Variants in VAV2 observed in about 807,000 individuals in gnomAD.
The protein encoded by VAV2 is vav guanine nucleotide exchange factor 2.
Under a neutral mutation model 132.5 loss-of-function variants are expected in VAV2, and 67 were observed. That is an observed-to-expected ratio of 0.51 (90% CI 0.42 to 0.62). The LOEUF is 0.62. VAV2 is among the 20% of genes least tolerant of loss of function. The pLI is 0.00. For synonymous variants in VAV2, 492 were observed against 443.5 expected, an observed-to-expected ratio of 1.11 and a Z score of -1.37; for missense variants, 938 against 1,153.6, an observed-to-expected ratio of 0.81 and a Z score of 2.71.
rs1834228873 is a variant in VAV2 at position 133,786,445 on chromosome 9, T to C, written c.1423-560A>G. Among the ~76,000 whole-genome samples, 3 of 152,194 alleles carry C rather than the reference T, an allele frequency of 2.0e-5. No individual in the cohort carries two copies. In the South Asian group the frequency reaches 6.2e-4, roughly 31 times the overall value. ...AGGTCTGCACTCCTGCCTGCGCCCA[T>C]GTGCGAGGATGCTCCACCGAGTGCA... is the stretch of plus-strand genomic sequence containing the variant. On this transcript the variant is annotated intron_variant, in intron 16 of 29. Transcript: ENST00000371850.
intron 7 of VAV2, among the ~76,000 whole-genome samples, chr9:133,808,210 G>A (rs1315682094): frequency 6.6e-6 from 1 of 152,256 alleles, no homozygotes; most frequent in African/African-American, 2.4e-5. Flanking sequence ...CGAGGGAACT[G>A]GAAGGACCTG....
At chr9:133,985,267 TGTGTGTG>T (rs758151863) in intron 1 of VAV2, among the ~76,000 whole-genome samples, 1 of 148,258 alleles carries the variant, frequency 6.7e-6, no homozygotes, top group African/African-American at 2.6e-5. Context: ...TGTGTGTGTG[TGTGTGTG>T]TTTTGTTTTT....
intron 2 of VAV2, among the ~76,000 whole-genome samples, chr9:133,910,382 C>T (rs916872070): frequency 3.3e-5 from 5 of 152,138 alleles, no homozygotes; most frequent in Admixed American, 3.3e-4. Flanking sequence ...CGAGTTCAGA[C>T]CTTCCAGATG....
At chr9:133,825,800 C>T (rs55776501) in intron 4 of VAV2, among the ~76,000 whole-genome samples, 14,856 of 152,192 alleles carry the variant, frequency 0.098, 929 homozygotes, top group South Asian at 0.15. Context: ...GGGAGAAGCA[C>T]GGCCTCTCCC....
In VAV2 at chr9:133,928,104, A is replaced by G. The variant is rs1840541829; in HGVS notation, c.321+10999T>C. ...ATGGCTCCCGCCTGGAAAGGAAAGC[A>G]GAGAAAAACCTCTCCCATCCCCAGT... On this transcript the variant is annotated intron_variant, in intron 2 of 29. Transcript: ENST00000371850. This position sits in a 1 kb window ranked among gnomAD's most constrained non-coding sequence, Gnocchi z 5.4. Among the ~76,000 whole-genome samples the G allele has an allele frequency of 6.6e-6, 1 of 152,190 alleles. No individual in the cohort carries two copies. Among genetic ancestry groups the G allele is most frequent in the African/African-American group, 2.4e-5 (1 of 41,444 alleles).
At chr9:133,897,698 G>C (rs532952880) in intron 2 of VAV2, among the ~76,000 whole-genome samples, 3 of 152,168 alleles carry the variant, frequency 2.0e-5, no homozygotes, top group South Asian at 2.1e-4. Flanking sequence ...TCTATGCCTC[G>C]TTTAGTGAAG....
At chr9:133,856,157 T>C (rs762013406) in intron 3 of VAV2, among the ~76,000 whole-genome samples, 2 of 152,186 alleles carry the variant, frequency 1.3e-5, no homozygotes, top group Non-Finnish European at 1.5e-5. Context: ...TGACTGCTCA[T>C]GGCGACCGGT....
chr9:133,913,028 G>A (rs1839937239), intron 2 of VAV2, among the ~76,000 whole-genome samples: 1 of 152,212 alleles, frequency 6.6e-6, no homozygotes. Flanking sequence ...TGCACACCCA[G>A]GGCTGTTCGC....
intron 3 of VAV2, among the ~76,000 whole-genome samples, chr9:133,845,428 G>A (rs2510258): frequency 0.14 from 21,799 of 152,258 alleles, 1,633 homozygotes; most frequent in South Asian, 0.17. Flanking sequence ...ATGGGGGGCC[G>A]CACTGGGGGT....
intron 4 of VAV2, among the ~76,000 whole-genome samples, chr9:133,825,265 C>T (rs1047746177): frequency 1.3e-5 from 2 of 152,136 alleles, no homozygotes; most frequent in African/African-American, 2.4e-5. Context: ...CCCCGTCTTC[C>T]GTCTCTCCAG....
intron 3 of VAV2, 155 bp downstream of exon 3, chr9:133,861,219 A>C: frequency 2.7e-6 from 2 of 730,732 alleles, no homozygotes; most frequent in Non-Finnish European, 2.0e-6. Context: ...CCCTTCCTGC[A>C]GCCGCCAACG....
At position 133,797,778 on chromosome 9, in the gene VAV2, T is replaced by G; in HGVS notation, c.868A>C (p.Met290Leu). 2 of 1,614,038 alleles carry G rather than the reference T, an allele frequency of 1.2e-6. No homozygotes were observed. Among genetic ancestry groups the G allele is most frequent in the Non-Finnish European group, 8.5e-7 (1 of 1,179,954 alleles). The change falls in exon 10 of 30, where the codon ATG becomes CTG. Residue 290 changes from methionine to leucine, a missense_variant. Physicochemically the swap from Met to Leu is conservative, Grantham distance 15. Coordinates refer to ENST00000371850, the MANE Select transcript of VAV2 (RefSeq NM_001134398.2). ...TTCAGTGTGTTCTGGGCGTGCTCCA[T>G]GTGGCTGCAGTACTCCCCGTAGATC... ...LLIYGEYCSH[M>L]EHAQNTLNQL...
rs1425150564 is a variant in VAV2, at chr9:133,794,142, G to A, written c.1101+1526C>T. 6.6e-6 allele frequency among the ~76,000 whole-genome samples: 1 copy of A among 152,016 alleles called. No individual in the cohort carries two copies. Among genetic ancestry groups the A allele is most frequent in the Non-Finnish European group, 1.5e-5 (1 of 68,004 alleles). On this transcript the variant is annotated intron_variant, in intron 12 of 29. Coordinates refer to ENST00000371850, the MANE Select transcript of VAV2 (RefSeq NM_001134398.2). This position sits in a 1 kb window ranked among gnomAD's most constrained non-coding sequence, Gnocchi z 4.6. ...ACCACACTCAGGGCCCGGGTGCACG[G>A]CCCACTGCACCTGCTGTCACTGTCT...
chr9:133,788,023 A>G lies in VAV2; in HGVS notation c.1407+331T>C, dbSNP rs1834299527. Among the ~76,000 whole-genome samples, 1 of 152,264 alleles carries G rather than the reference A, an allele frequency of 6.6e-6. No individual in the cohort carries two copies. Among genetic ancestry groups the G allele is most frequent in the Non-Finnish European group, 1.5e-5 (1 of 68,040 alleles). ...GTCAGGCTGGCCAGATGGAAAGCCAAGGTTGAAAGTCCCACCCTCACTAGA... is the reference window on the plus strand; with the variant it reads ...GTCAGGCTGGCCAGATGGAAAGCCAGGGTTGAAAGTCCCACCCTCACTAGA... On this transcript the variant is annotated intron_variant, in intron 15 of 29. Coordinates refer to ENST00000371850, the MANE Select transcript of VAV2 (RefSeq NM_001134398.2). The surrounding 1 kb of genome is among the most constrained non-coding windows in gnomAD (Gnocchi z 5.3).
intron 2 of VAV2, among the ~76,000 whole-genome samples, chr9:133,937,153 T>C (rs1371574057): frequency 3.9e-5 from 6 of 152,342 alleles, no homozygotes; most frequent in African/African-American, 1.4e-4. Context: ...TTTACAGTTA[T>C]CATAAATACC....
chr9:133,763,166 G>A lies in VAV2; in HGVS notation c.*896C>T, dbSNP rs925868113. On this transcript the variant is annotated 3_prime_UTR_variant, in exon 30 of 30. Transcript: ENST00000371850. The surrounding 1 kb of genome is among the most constrained non-coding windows in gnomAD (Gnocchi z 6.8). ...GGACCACCCTTCAGGAGAGCAGAGGGGCCTCCTGGAGAGGGACCTGGCAGG... is the reference window on the plus strand; with the variant it reads ...GGACCACCCTTCAGGAGAGCAGAGGAGCCTCCTGGAGAGGGACCTGGCAGG... 2.6e-5 allele frequency: 4 copies of A among 152,640 alleles called. No homozygotes were observed. The highest frequency in any genetic ancestry group is 9.6e-5 in the African/African-American group (4 of 41,566). The allele number at this position is 152,640 out of a possible 1,614,324, so 9.5% of individuals were successfully genotyped here. A position where few individuals can be genotyped will look rare whatever the true frequency, so the allele number is the denominator to read the frequency against.
chr9:133,771,558 G>A (rs1405285737), intron 26 of VAV2, among the ~76,000 whole-genome samples: 1 of 152,228 alleles, frequency 6.6e-6, no homozygotes, highest in Non-Finnish European at 1.5e-5. Context: ...GAGGGTGGGG[G>A]TGAGTCGGAG....
chr9:133,942,035 G>A (rs1239308169), intron 1 of VAV2, among the ~76,000 whole-genome samples: 1 of 152,236 alleles, frequency 6.6e-6, no homozygotes, highest in Non-Finnish European at 1.5e-5. Flanking sequence ...GAAGACCAGA[G>A]AGTTCTGTGG....
At chr9:133,870,487 C>T (rs891229541) in intron 2 of VAV2, among the ~76,000 whole-genome samples, 2 of 152,182 alleles carry the variant, frequency 1.3e-5, no homozygotes, top group African/African-American at 4.8e-5. Context: ...AGAATTGGCC[C>T]ACTCTTCCTG....
Sources: allele counts gnomAD v4.1 joint callset (sites outside exome capture counted in the v4.1 genomes callset), GRCh38; gene constraint gnomAD v4.1.1; non-coding constraint Gnocchi (gnomAD v3.1); transcripts MANE v1.5; gene names NCBI Gene and HGNC (gene_info 2026-07-23, HGNC 2026-07-21).